The following CNTN5 variants were observed in gnomAD, a reference collection of about 807,000 sequenced individuals.
The protein encoded by CNTN5 is contactin 5.
Under a neutral mutation model 129.1 loss-of-function variants are expected in CNTN5, and 77 were observed. The ratio of observed to expected loss-of-function variants is 0.60; its 90% CI spans 0.50 to 0.72. CNTN5 has a LOEUF of 0.72. Among genes scored for constraint, CNTN5 ranks in the 30% least tolerant of loss-of-function variants. CNTN5 has a pLI of 0.00. For synonymous variants in CNTN5, 509 were observed against 465.6 expected, an observed-to-expected ratio of 1.09 and a Z score of -1.20; for missense variants, 1,478 against 1,328.8, an observed-to-expected ratio of 1.11 and a Z score of -1.75.
At chr11:100,346,350 G>A (rs1245740303) in intron 23 of CNTN5, among the ~76,000 whole-genome samples, 1 of 151,862 alleles carries the variant, frequency 6.6e-6, no homozygotes, top group Non-Finnish European at 1.5e-5. Flanking sequence ...TCTCAAAAAT[G>A]GAAAATATTT....
intron 13 of CNTN5, among the ~76,000 whole-genome samples, chr11:100,086,708 G>T (rs1463650862): frequency 6.6e-6 from 1 of 151,320 alleles, no homozygotes; most frequent in Non-Finnish European, 1.5e-5. Context: ...AAATAGCAAA[G>T]TTGAAAGTTA....
At chr11:99,463,799 T>C (rs1234052332) in intron 2 of CNTN5, among the ~76,000 whole-genome samples, 1 of 152,160 alleles carries the variant, frequency 6.6e-6, no homozygotes, top group Non-Finnish European at 1.5e-5. Flanking sequence ...TAAATAAGTA[T>C]GTATGTGTAA....
At position 99,855,928 on chromosome 11, in the gene CNTN5, T is replaced by C. The variant is rs565656660; in HGVS notation, c.577+10666T>C. The stretch of plus-strand genomic sequence containing the variant: ...TTTTTTCAATAAAATACAACTATTA[T>C]CATAATAAAACTAGAAACCAATATA... On this transcript the variant is annotated intron_variant, in intron 6 of 24. Coordinates refer to ENST00000524871, the MANE Select transcript of CNTN5 (RefSeq NM_014361.4). 1.7e-3 allele frequency among the ~76,000 whole-genome samples: 260 copies of C among 152,276 alleles called. 2 individuals are homozygous for C. Among genetic ancestry groups the C allele is most frequent in the Non-Finnish European group, 2.1e-3 (140 of 68,024 alleles).
chr11:99,650,119 T>C (rs1400562468), intron 3 of CNTN5, among the ~76,000 whole-genome samples: 3 of 151,942 alleles, frequency 2.0e-5, no homozygotes, highest in African/African-American at 7.2e-5. Context: ...AAGCTACTTC[T>C]GTAATAAATT....
chr11:99,039,888 C>T (rs1314892397), intron 1 of CNTN5, among the ~76,000 whole-genome samples: 2 of 152,086 alleles, frequency 1.3e-5, no homozygotes, highest in Non-Finnish European at 2.9e-5. Flanking sequence ...GGTTTTTACA[C>T]TTTAAAATGT....
chr11:99,706,505 C>T (rs17134233), intron 3 of CNTN5, among the ~76,000 whole-genome samples: 4,616 of 151,358 alleles, frequency 0.03, 150 homozygotes, highest in East Asian at 0.19. Context: ...GGAAACTGCC[C>T]ATTTAAGACA....
At chr11:99,452,860 T>C (rs372269616) in intron 2 of CNTN5, among the ~76,000 whole-genome samples, 4 of 152,200 alleles carry the variant, frequency 2.6e-5, no homozygotes, top group African/African-American at 9.6e-5. Context: ...TTATGCCAGG[T>C]AGCATAGCTA....
At chr11:99,842,669 T>C (rs776731463) in intron 4 of CNTN5, among the ~76,000 whole-genome samples, 17 of 152,230 alleles carry the variant, frequency 1.1e-4, no homozygotes, top group Admixed American at 1.1e-3. Context: ...AAGGGTTTTT[T>C]TTCCCACAGC....
At chr11:99,872,963 T>C (rs1948541217) in intron 6 of CNTN5, among the ~76,000 whole-genome samples, 1 of 152,180 alleles carries the variant, frequency 6.6e-6, no homozygotes, top group Admixed American at 6.6e-5. Context: ...ACTAATAACA[T>C]ATTTTGGTAA....
At chr11:99,683,223 G>T (rs1337055487) in intron 3 of CNTN5, among the ~76,000 whole-genome samples, 1 of 151,470 alleles carries the variant, frequency 6.6e-6, no homozygotes, top group Non-Finnish European at 1.5e-5. Flanking sequence ...TCCCTTCACC[G>T]CAGCTCATAA....
intron 1 of CNTN5, among the ~76,000 whole-genome samples, chr11:99,057,796 G>T (rs1328060302): frequency 2.0e-5 from 3 of 150,528 alleles, no homozygotes; most frequent in Non-Finnish European, 4.4e-5. Flanking sequence ...GTGTGTGTGT[G>T]TGTGTGTGTG....
At position 100,024,989 on chromosome 11, in the gene CNTN5, A is replaced by G. The variant is rs1248148074; in HGVS notation, c.980+22853A>G. ...GGGGAAATTCAAGCAGGCTGCAAAA[A>G]CTTTTATAGCTAATGGGAAGCCAAA... On this transcript the variant is annotated intron_variant, in intron 9 of 24. Coordinates refer to ENST00000524871, the MANE Select transcript of CNTN5 (RefSeq NM_014361.4). Among the ~76,000 whole-genome samples the G allele has an allele frequency of 3.3e-5, 5 of 152,232 alleles. No individual in the cohort carries two copies. In the East Asian group the frequency reaches 9.6e-4, roughly 29 times the overall value.
At chr11:99,947,866 A>G (rs1178908627) in intron 7 of CNTN5, among the ~76,000 whole-genome samples, 1 of 152,170 alleles carries the variant, frequency 6.6e-6, no homozygotes, top group Non-Finnish European at 1.5e-5. Context: ...GCATTTTTAA[A>G]AATTCATAGT....
chr11:99,231,052 A>C (rs1291507188), intron 1 of CNTN5, among the ~76,000 whole-genome samples: 1 of 152,170 alleles, frequency 6.6e-6, no homozygotes, highest in East Asian at 1.9e-4. Flanking sequence ...CCAGTCTATC[A>C]TTGATGGGCA....
intron 9 of CNTN5, among the ~76,000 whole-genome samples, chr11:100,006,539 T>C (rs975821865): frequency 1.3e-5 from 2 of 152,174 alleles, no homozygotes; most frequent in Non-Finnish European, 2.9e-5. Flanking sequence ...TCTTTGCTCA[T>C]CCATAAGAAG....
intron 1 of CNTN5, among the ~76,000 whole-genome samples, chr11:99,034,624 A>G (rs1480118793): frequency 1.3e-5 from 2 of 150,838 alleles, no homozygotes; most frequent in Admixed American, 6.8e-5. Context: ...TAACCCCTTT[A>G]TCATTTTTTA....
At chr11:100,245,162 G>A (rs1949816966) in intron 16 of CNTN5, among the ~76,000 whole-genome samples, 1 of 152,050 alleles carries the variant, frequency 6.6e-6, no homozygotes. Flanking sequence ...CCACAGGTTT[G>A]TTTTGTCTCT....
chr11:99,416,367 A>G (rs1942655458), intron 2 of CNTN5, among the ~76,000 whole-genome samples: 1 of 151,986 alleles, frequency 6.6e-6, no homozygotes, highest in Non-Finnish European at 1.5e-5. Context: ...GGGAGCCTCA[A>G]ACTCCTGGGC....
intron 3 of CNTN5, among the ~76,000 whole-genome samples, chr11:99,726,019 A>C (rs1263350055): frequency 1.3e-5 from 2 of 152,218 alleles, no homozygotes; most frequent in Non-Finnish European, 2.9e-5. Context: ...GGCTATTCTG[A>C]AGTAGCCAAC....
Sources: gnomAD v4.1 joint callset for allele counts (sites outside exome capture counted in the v4.1 genomes callset) on GRCh38, gnomAD v4.1.1 for gene constraint, MANE v1.5 for transcripts, NCBI Gene and HGNC (gene_info 2026-07-23, HGNC 2026-07-21) for gene names.